The following NETO1 variants were observed in gnomAD, a reference collection of about 807,000 sequenced individuals.
NETO1 encodes the protein neuropilin and tolloid-like protein 1.
In NETO1, 26 loss-of-function variants were observed where a neutral mutation model predicts 61.3. The observed-to-expected ratio is 0.42, with a 90% CI of 0.31 to 0.59. NETO1 has a LOEUF of 0.59. Ranked by LOEUF, NETO1 falls within the 20% of genes least tolerant of loss-of-function variation. The pLI, the probability that NETO1 is intolerant of heterozygous loss-of-function variation, is 0.12. For synonymous variants in NETO1, 225 were observed against 225.8 expected (o/e 1.00, Z 0.03); for missense variants, 531 against 662.8 (o/e 0.80, Z 2.18).
chr18:72,834,510 C>T, intron 4 of NETO1: 2 of 965,836 alleles, frequency 2.1e-6, no homozygotes, highest in Non-Finnish European at 2.5e-6. Flanking sequence ...AGTTAATCAA[C>T]TATTCTGAAT....
intron 7 of NETO1, among the ~76,000 whole-genome samples, chr18:72,776,833 T>G (rs1450546863): frequency 6.6e-6 from 1 of 152,166 alleles, no homozygotes; most frequent in African/African-American, 2.4e-5. Context: ...ATCCTTGACC[T>G]TCTCACACAC....
At chr18:72,833,740 C>T (rs1004197325) in intron 4 of NETO1, among the ~76,000 whole-genome samples, 7 of 152,168 alleles carry the variant, frequency 4.6e-5, no homozygotes, top group Non-Finnish European at 7.4e-5. Context: ...TGCATATATC[C>T]GCTGACTTTC....
Position 72,818,208 on chromosome 18 carries a change from C to T in NETO1, c.470-23804G>A, listed in dbSNP as rs146002171. ...TGATAATTGTAAATTTGCAAGTGTACTAAATAAAATGAATCTGACCATGCT... is the reference window on the plus strand; with the variant it reads ...TGATAATTGTAAATTTGCAAGTGTATTAAATAAAATGAATCTGACCATGCT... On this transcript the variant is annotated intron_variant, in intron 4 of 10. Coordinates refer to ENST00000327305, the MANE Select transcript of NETO1 (RefSeq NM_138966.5). Among the ~76,000 whole-genome samples, 5 of 152,246 alleles carry T rather than the reference C, an allele frequency of 3.3e-5. 1 individual carries two copies. In the East Asian group the frequency reaches 9.6e-4, roughly 29 times the overall value.
At chr18:72,766,188 A>AGAGT (rs751466127) in intron 7 of NETO1, among the ~76,000 whole-genome samples, 13 of 150,348 alleles carry the variant, frequency 8.6e-5, no homozygotes, top group Non-Finnish European at 1.6e-4. Flanking sequence ...CCTGGGTGAC[A>AGAGT]GAGTGAGACT....
intron 6 of NETO1, among the ~76,000 whole-genome samples, chr18:72,787,894 A>G (rs1174244485): frequency 6.6e-6 from 1 of 152,196 alleles, no homozygotes; most frequent in African/African-American, 2.4e-5. Flanking sequence ...GAGTAATCAA[A>G]TAAATAAGCA....
At chr18:72,781,702 T>A (rs1599163525) in intron 7 of NETO1, among the ~76,000 whole-genome samples, 1 of 152,158 alleles carries the variant, frequency 6.6e-6, no homozygotes, top group Admixed American at 6.5e-5. Flanking sequence ...CACTTAACAT[T>A]TACGAATTTA....
At chr18:72,771,927 AGGCAGGGCTC>A (rs2071364839) in intron 7 of NETO1, among the ~76,000 whole-genome samples, 1 of 152,152 alleles carries the variant, frequency 6.6e-6, no homozygotes, top group Non-Finnish European at 1.5e-5. Context: ...TCAGAAGTCC[AGGCAGGGCTC>A]AATTGGGTTC....
chr18:72,853,945 G>A (rs2074336872), intron 4 of NETO1, among the ~76,000 whole-genome samples: 1 of 151,962 alleles, frequency 6.6e-6, no homozygotes, highest in Non-Finnish European at 1.5e-5. Flanking sequence ...TTTCGAAATG[G>A]TTAATACATA....
chr18:72,782,103 G>A (rs1226127867), intron 7 of NETO1, among the ~76,000 whole-genome samples: 1 of 152,110 alleles, frequency 6.6e-6, no homozygotes, highest in Admixed American at 6.5e-5. Flanking sequence ...TGCGGTATTT[G>A]ATTTTCTGTT....
At chr18:72,783,402 T>G (rs1256680512) in intron 7 of NETO1, among the ~76,000 whole-genome samples, 1 of 152,218 alleles carries the variant, frequency 6.6e-6, no homozygotes, top group Non-Finnish European at 1.5e-5. Flanking sequence ...AGAGCTAAAT[T>G]GAAGACAGAT....
chr18:72,857,576 A>G (rs764907406), intron 4 of NETO1, among the ~76,000 whole-genome samples: 12 of 152,228 alleles, frequency 7.9e-5, no homozygotes, highest in Non-Finnish European at 1.8e-4. Flanking sequence ...CTCTAGGTAC[A>G]GGTTATATTC....
intron 4 of NETO1, among the ~76,000 whole-genome samples, chr18:72,824,267 A>T (rs1231966105): frequency 1.3e-5 from 2 of 152,166 alleles, no homozygotes; most frequent in African/African-American, 4.8e-5. Flanking sequence ...ACTACATTCA[A>T]ATCTTTTGCT....
At chr18:72,858,306 A>C (rs1239196888) in intron 4 of NETO1, among the ~76,000 whole-genome samples, 3 of 152,192 alleles carry the variant, frequency 2.0e-5, no homozygotes, top group Non-Finnish European at 4.4e-5. Flanking sequence ...TTTGGCTGTT[A>C]CAGGTCTCAG....
chr18:72,755,112 G>C lies in NETO1; in HGVS notation c.982+922C>G, dbSNP rs2070743465. Among the ~76,000 whole-genome samples, 2 of 152,076 alleles carry C rather than the reference G, an allele frequency of 1.3e-5. 1 individual carries two copies. The highest frequency in any genetic ancestry group is 4.1e-4 in the South Asian group (2 of 4,822). ...CATGTCAAATATTTCTTACACACAT[G>C]GGACCACGTTTATATAGGGCAAAAC... On this transcript the variant is annotated intron_variant, in intron 8 of 10. Coordinates refer to ENST00000327305, the MANE Select transcript of NETO1 (RefSeq NM_138966.5).
chr18:72,855,299 T>C lies in NETO1; in HGVS notation c.469+3527A>G, dbSNP rs898441963. ...GGCCCTTCTACAAGCCTCACTCTTA[T>C]CCTTTGAAGACCCAGGATTTGAACC... On this transcript the variant is annotated intron_variant, in intron 4 of 10. Coordinates refer to ENST00000327305, the MANE Select transcript of NETO1 (RefSeq NM_138966.5). 2.0e-5 allele frequency among the ~76,000 whole-genome samples: 3 copies of C among 152,284 alleles called. No homozygotes were observed. The East Asian group carries it at 5.8e-4, about 29-fold the overall frequency.
chr18:72,867,428 G>C lies in NETO1; in HGVS notation c.-137C>G. On this transcript the variant is annotated 5_prime_UTR_variant, in exon 1 of 11. Transcript: ENST00000327305. ...GAAGGAAATAAAGGGGGGCCGAGAG[G>C]GAGACCGAGAGGAAGGGGGAGCTCC... 1 of 530,340 alleles carries C rather than the reference G, an allele frequency of 1.9e-6. No homozygotes were observed. The highest frequency in any genetic ancestry group is 3.2e-6 in the Non-Finnish European group (1 of 317,260). The allele number at this position is 530,340 out of a possible 1,614,324, so 32.9% of individuals were successfully genotyped here.
At chr18:72,761,823 T>C (rs1002652266) in intron 7 of NETO1, among the ~76,000 whole-genome samples, 3 of 152,210 alleles carry the variant, frequency 2.0e-5, no homozygotes, top group Admixed American at 1.3e-4. Context: ...AAATACTTTA[T>C]AATAAATTCT....
At chr18:72,757,407 A>AC (rs386388148) in intron 7 of NETO1, among the ~76,000 whole-genome samples, 3 of 151,680 alleles carry the variant, frequency 2.0e-5, no homozygotes, top group African/African-American at 7.3e-5. Context: ...CTTTAAAAAA[A>AC]AACACTCAAA....
chr18:72,796,154 G>A (rs143136310), intron 4 of NETO1, among the ~76,000 whole-genome samples: 2 of 152,318 alleles, frequency 1.3e-5, no homozygotes, highest in African/African-American at 4.8e-5. Flanking sequence ...GATTAGTTTA[G>A]GATATTAAGA....
Sources: allele counts gnomAD v4.1 joint callset (sites outside exome capture counted in the v4.1 genomes callset), GRCh38; gene constraint gnomAD v4.1.1; transcripts MANE v1.5; gene names NCBI Gene and HGNC (gene_info 2026-07-23, HGNC 2026-07-21).